SPMIP2: variants seen among roughly 807,000 people sequenced by gnomAD.
SPMIP2 encodes sperm microtubule inner protein 2, also known as protein SPMIP2.
chr4:159,031,007 T>A, the SPMIP2 span, among the ~76,000 whole-genome samples: 1 of 152,242 alleles, frequency 6.6e-6, no homozygotes, highest in Non-Finnish European at 1.5e-5. Flanking sequence ...AGTGACAAGA[T>A]ATTTTTCTTG....
At chr4:159,034,425 C>T in the SPMIP2 span, among the ~76,000 whole-genome samples, 5 of 152,208 alleles carry the variant, frequency 3.3e-5, no homozygotes, top group Admixed American at 2.0e-4. Context: ...TTTTTTATTA[C>T]ATCAAAGAAG....
the SPMIP2 span, among the ~76,000 whole-genome samples, chr4:159,046,265 A>G: frequency 1.3e-5 from 2 of 151,398 alleles, no homozygotes; most frequent in East Asian, 3.9e-4. Flanking sequence ...CTTCCTTCAG[A>G]TGGAGAAAAT....
chr4:159,024,057 A>G, the SPMIP2 span, among the ~76,000 whole-genome samples: 1 of 152,142 alleles, frequency 6.6e-6, no homozygotes, highest in African/African-American at 2.4e-5. Flanking sequence ...TTCAACCCTT[A>G]CTACAGAGCA....
the SPMIP2 span, among the ~76,000 whole-genome samples, chr4:158,933,762 C>A: frequency 6.6e-6 from 1 of 151,884 alleles, no homozygotes; most frequent in Non-Finnish European, 1.5e-5. Context: ...TGTTCCTTTA[C>A]CATTGGTATT....
At chr4:158,916,106 G>T in the SPMIP2 span, among the ~76,000 whole-genome samples, 1 of 152,146 alleles carries the variant, frequency 6.6e-6, no homozygotes, top group Non-Finnish European at 1.5e-5. Context: ...ACCATGATTT[G>T]TGGGAGATTT....
chr4:158,993,645 G>T, the SPMIP2 span, among the ~76,000 whole-genome samples: 852 of 152,164 alleles, frequency 5.6e-3, 7 homozygotes, highest in African/African-American at 0.02. Flanking sequence ...TTGGAATATA[G>T]CAGTGAAAAA....
the SPMIP2 span, among the ~76,000 whole-genome samples, chr4:158,961,260 T>C: frequency 6.6e-6 from 1 of 152,100 alleles, no homozygotes. Flanking sequence ...TTCTCTTCTC[T>C]CCTCTTCCTT....
the SPMIP2 span, among the ~76,000 whole-genome samples, chr4:159,018,977 C>T: frequency 7.2e-5 from 11 of 152,242 alleles, no homozygotes; most frequent in East Asian, 2.1e-3. Flanking sequence ...GTAGTCCCAG[C>T]TACTCAGGAG....
chr4:159,076,571 T>C, the SPMIP2 span, among the ~76,000 whole-genome samples: 1 of 152,246 alleles, frequency 6.6e-6, no homozygotes, highest in Admixed American at 6.5e-5. Context: ...ATTTAAAATA[T>C]AGGAAAAGTA....
chr4:158,904,408 C>G, the SPMIP2 span: 19 of 1,391,988 alleles, frequency 1.4e-5, no homozygotes, highest in Non-Finnish European at 1.7e-5. Flanking sequence ...AGAAATAATA[C>G]TTTCTCATAA....
At chr4:158,971,786 A>C in the SPMIP2 span, among the ~76,000 whole-genome samples, 7 of 152,308 alleles carry the variant, frequency 4.6e-5, no homozygotes, top group South Asian at 1.2e-3. Context: ...TGCCTAGAAA[A>C]AATATCCTAG....
the SPMIP2 span, among the ~76,000 whole-genome samples, chr4:159,047,923 T>C: frequency 5.9e-5 from 9 of 152,140 alleles, no homozygotes; most frequent in African/African-American, 1.9e-4. Flanking sequence ...CATGATATGA[T>C]AGCATGTAAC....
At chr4:158,934,993 T>A in the SPMIP2 span, among the ~76,000 whole-genome samples, 9 of 152,358 alleles carry the variant, frequency 5.9e-5, no homozygotes, top group Non-Finnish European at 1.2e-4. Flanking sequence ...GATTTGATTA[T>A]ATCACTTCCT....
chr4:159,011,754 C>CAAA, the SPMIP2 span, among the ~76,000 whole-genome samples: 3 of 146,062 alleles, frequency 2.1e-5, no homozygotes, highest in Admixed American at 6.9e-5. Flanking sequence ...AACTCCATCC[C>CAAA]AAAAAAAAAA....
the SPMIP2 span, chr4:159,007,844 C>G: frequency 7.3e-6 from 4 of 548,608 alleles, no homozygotes; most frequent in East Asian, 1.4e-4. Context: ...GAATCCAGGA[C>G]TAGAAGGAAA....
At chr4:158,919,433 C>T in the SPMIP2 span, among the ~76,000 whole-genome samples, 1 of 152,156 alleles carries the variant, frequency 6.6e-6, no homozygotes, top group African/African-American at 2.4e-5. Flanking sequence ...AGTTATTTTG[C>T]AGATGTCCCT....
chr4:158,896,994 C>T, the SPMIP2 span, among the ~76,000 whole-genome samples: 2 of 152,024 alleles, frequency 1.3e-5, no homozygotes, highest in African/African-American at 4.8e-5. Flanking sequence ...ATCCCACCCC[C>T]AGCCCCCCAC....
the SPMIP2 span, among the ~76,000 whole-genome samples, chr4:158,924,487 C>T: frequency 6.6e-6 from 1 of 152,164 alleles, no homozygotes; most frequent in Non-Finnish European, 1.5e-5. Context: ...TCAAGTGATT[C>T]TCCTGCCTCA....
At chr4:159,019,718 A>G in the SPMIP2 span, among the ~76,000 whole-genome samples, 2 of 152,174 alleles carry the variant, frequency 1.3e-5, no homozygotes, top group Admixed American at 6.5e-5. Flanking sequence ...AACTTAGGCC[A>G]GAGTGTGGCT....
Sources: allele counts gnomAD v4.1 joint callset (sites outside exome capture counted in the v4.1 genomes callset), GRCh38; gene constraint gnomAD v4.1.1; transcripts MANE v1.5; gene names NCBI Gene and HGNC (gene_info 2026-07-23, HGNC 2026-07-21).